The following XKR6 variants were observed in gnomAD, a reference collection of about 807,000 sequenced individuals.
The protein encoded by XKR6 is XK-related protein 6.
A neutral mutation model predicts 56.7 loss-of-function variants in XKR6; 22 were observed. That is an observed-to-expected ratio of 0.39 (90% CI 0.28 to 0.55). XKR6 has a LOEUF of 0.55. Ranked by LOEUF, XKR6 falls within the 20% of genes least tolerant of loss-of-function variation. The pLI is 0.66. For synonymous variants in XKR6, 524 were observed against 387.8 expected (o/e 1.35, Z -4.13); for missense variants, 852 against 889.0 (o/e 0.96, Z 0.53).
intron 1 of XKR6, among the ~76,000 whole-genome samples, chr8:10,955,362 G>A (rs897558792): frequency 6.6e-6 from 1 of 151,762 alleles, no homozygotes; most frequent in Non-Finnish European, 1.5e-5. Context: ...TTTATTTTTT[G>A]TACAGACAAA....
At chr8:10,942,173 C>A (rs1330248880) in intron 1 of XKR6, among the ~76,000 whole-genome samples, 1 of 152,192 alleles carries the variant, frequency 6.6e-6, no homozygotes, top group Admixed American at 6.5e-5. Context: ...GAACATACCA[C>A]ACACAGTTGC....
intron 1 of XKR6, among the ~76,000 whole-genome samples, chr8:11,118,627 T>C (rs1056273967): frequency 9.8e-5 from 15 of 152,348 alleles, no homozygotes; most frequent in Admixed American, 7.8e-4. Flanking sequence ...TGATGGTAGT[T>C]TGTATTTCTG....
intron 1 of XKR6, among the ~76,000 whole-genome samples, chr8:11,147,991 C>T (rs568271132): frequency 6.6e-6 from 1 of 152,188 alleles, no homozygotes; most frequent in South Asian, 2.1e-4. Flanking sequence ...AGGAGGATCA[C>T]TTGAGGTCAG....
chr8:11,150,110 G>C (rs1032985579), intron 1 of XKR6, among the ~76,000 whole-genome samples: 3 of 152,146 alleles, frequency 2.0e-5, no homozygotes, highest in African/African-American at 7.2e-5. Flanking sequence ...GATGAAGACA[G>C]GATGGCTAAT....
At chr8:11,195,958 G>GA (rs5889362) in intron 1 of XKR6, among the ~76,000 whole-genome samples, 225 of 128,960 alleles carry the variant, frequency 1.7e-3, no homozygotes, top group Admixed American at 9.5e-3. Flanking sequence ...TGGATAAAAT[G>GA]AAAAAAAAAA....
chr8:10,979,592 C>G (rs1439351414), intron 1 of XKR6, among the ~76,000 whole-genome samples: 1 of 152,238 alleles, frequency 6.6e-6, no homozygotes, highest in Non-Finnish European at 1.5e-5. Context: ...CCTGCCTAAG[C>G]CATTTCCTTC....
At chr8:10,956,979 C>G (rs906256549) in intron 1 of XKR6, among the ~76,000 whole-genome samples, 4 of 152,132 alleles carry the variant, frequency 2.6e-5, no homozygotes, top group Admixed American at 2.0e-4. Context: ...GAGATGGAGT[C>G]TTGCTGTGTC....
intron 1 of XKR6, among the ~76,000 whole-genome samples, chr8:11,085,159 C>G (rs1419275554): frequency 6.6e-6 from 1 of 152,138 alleles, no homozygotes; most frequent in Non-Finnish European, 1.5e-5. Context: ...TCTTGTCACC[C>G]AAGAGCAGTT....
rs189032331 is a variant in XKR6 at position 10,977,429 on chromosome 8, C to G, written c.765-52599G>C. 2.2e-4 allele frequency among the ~76,000 whole-genome samples: 34 copies of G among 151,840 alleles called. No individual in the cohort carries two copies. In the South Asian group the frequency reaches 2.5e-3, roughly 11 times the overall value. On this transcript the variant is annotated intron_variant, in intron 1 of 2. Transcript: ENST00000416569. ...AGATGAGACTCTCTAATAAGCCAAGCAGTCAGCCAGTGGGTCTAGGGAGGC... is the reference window on the plus strand; with the variant it reads ...AGATGAGACTCTCTAATAAGCCAAGGAGTCAGCCAGTGGGTCTAGGGAGGC...
At chr8:10,918,167 G>A (rs993563002) in intron 2 of XKR6, among the ~76,000 whole-genome samples, 1 of 152,168 alleles carries the variant, frequency 6.6e-6, no homozygotes, top group African/African-American at 2.4e-5. Flanking sequence ...GAGCCCATAT[G>A]TGTGTTTCTC....
chr8:10,984,695 G>GCT (rs61138077), intron 1 of XKR6, among the ~76,000 whole-genome samples: 733 of 56,250 alleles, frequency 0.013, 21 homozygotes, highest in Middle Eastern at 0.054. Flanking sequence ...AAAATACATG[G>GCT]CTCTCTCTCT....
chr8:11,092,561 A>G (rs898623539), intron 1 of XKR6, among the ~76,000 whole-genome samples: 2 of 152,130 alleles, frequency 1.3e-5, no homozygotes, highest in African/African-American at 4.8e-5. Context: ...ATCCCGGGTG[A>G]TAAAGGTTAG....
At position 11,113,936 on chromosome 8, in the gene XKR6, C is replaced by T. The variant is rs115984921; in HGVS notation, c.764+86640G>A. On this transcript the variant is annotated intron_variant, in intron 1 of 2. Transcript: ENST00000416569. ...GGAAGGAACTGGGGCAGCACAGACA[C>T]GGAAACACATGAAGGCCTCCCTCTC... 308 of 305,174 alleles carry T rather than the reference C, an allele frequency of 1.0e-3. 1 individual carries two copies. Among genetic ancestry groups the T allele is most frequent in the African/African-American group, 5.9e-3 (267 of 44,996 alleles). The allele number at this position is 305,174 out of a possible 1,614,324, so 18.9% of individuals were successfully genotyped here. A position where few individuals can be genotyped will look rare whatever the true frequency, so the allele number is the denominator to read the frequency against.
intron 1 of XKR6, among the ~76,000 whole-genome samples, chr8:11,198,627 A>G (rs1416937731): frequency 6.6e-6 from 1 of 152,182 alleles, no homozygotes; most frequent in African/African-American, 2.4e-5. Context: ...AGAAACAATT[A>G]ACATTTAGGT....
intron 1 of XKR6, among the ~76,000 whole-genome samples, chr8:11,135,125 C>T (rs889656183): frequency 4.0e-5 from 6 of 151,790 alleles, no homozygotes; most frequent in African/African-American, 1.2e-4. Context: ...CTCCGCCTCC[C>T]GGGTTCACGC....
intron 1 of XKR6, among the ~76,000 whole-genome samples, chr8:11,075,044 C>T (rs757663936): frequency 5.9e-5 from 9 of 152,154 alleles, no homozygotes; most frequent in Non-Finnish European, 1.2e-4. Flanking sequence ...TGGCTGGTGG[C>T]ACCCTCCCTG....
chr8:11,038,749 C>T (rs2129154966), intron 1 of XKR6, among the ~76,000 whole-genome samples: 1 of 152,094 alleles, frequency 6.6e-6, no homozygotes, highest in South Asian at 2.1e-4. Context: ...CTATGTTGTC[C>T]AGGCTGGTCA....
intron 1 of XKR6, among the ~76,000 whole-genome samples, chr8:11,032,203 C>A (rs1563356997): frequency 1.3e-5 from 2 of 152,124 alleles, no homozygotes; most frequent in African/African-American, 2.4e-5. Context: ...GGCTGAGAGC[C>A]AGATTAGGGA....
At chr8:11,171,679 A>G (rs1372789049) in intron 1 of XKR6, among the ~76,000 whole-genome samples, 2 of 152,192 alleles carry the variant, frequency 1.3e-5, no homozygotes, top group African/African-American at 4.8e-5. Context: ...TGAGGCCCTC[A>G]CTGGAAACAG....
Sources: gnomAD v4.1 joint callset for allele counts (sites outside exome capture counted in the v4.1 genomes callset) on GRCh38, gnomAD v4.1.1 for gene constraint, MANE v1.5 for transcripts, NCBI Gene and HGNC (gene_info 2026-07-23, HGNC 2026-07-21) for gene names.